GRM5: variants seen among roughly 807,000 people sequenced by gnomAD.
GRM5 encodes metabotropic glutamate receptor 5.
Under a neutral mutation model 83.1 loss-of-function variants are expected in GRM5, and 19 were observed. The ratio of observed to expected loss-of-function variants is 0.23; its 90% CI spans 0.16 to 0.34. GRM5 has a LOEUF of 0.34. Among genes scored for constraint, GRM5 ranks in the 10% least tolerant of loss-of-function variants. GRM5 has a pLI of 1.00. For missense variants in GRM5, 1,160 were observed against 1,588.3 expected (o/e 0.73, Z 4.58); for synonymous variants, 675 against 633.6 (o/e 1.07, Z -0.98).
rs536148251 is a variant in GRM5, at chr11:88,548,803, T to C, written c.2630+18250A>G. ...TTGGAAAATGAACTACTATTGAGTGTTGATTCACATTAAGGGAGGAGCTAA... is the reference window on the plus strand; with the variant it reads ...TTGGAAAATGAACTACTATTGAGTGCTGATTCACATTAAGGGAGGAGCTAA... On this transcript the variant is annotated intron_variant, in intron 8 of 9. Coordinates refer to ENST00000305447, the MANE Select transcript of GRM5 (RefSeq NM_001143831.3). Among the ~76,000 whole-genome samples the C allele has an allele frequency of 2.0e-5, 3 of 152,292 alleles. No homozygotes were observed. The East Asian group carries it at 5.8e-4, about 29-fold the overall frequency.
chr11:88,876,850 T>C (rs893775365), intron 2 of GRM5, among the ~76,000 whole-genome samples: 3 of 151,996 alleles, frequency 2.0e-5, no homozygotes, highest in African/African-American at 7.3e-5. Flanking sequence ...ATAAAAAATG[T>C]GGTATATAAA....
At chr11:88,542,304 T>C (rs1447390669) in intron 8 of GRM5, among the ~76,000 whole-genome samples, 5 of 152,226 alleles carry the variant, frequency 3.3e-5, no homozygotes, top group East Asian at 1.9e-4. Flanking sequence ...GAGGCTTGTA[T>C]TGTAGAACAC....
At chr11:88,692,223 T>A (rs530065478) in intron 3 of GRM5, among the ~76,000 whole-genome samples, 24 of 152,324 alleles carry the variant, frequency 1.6e-4, no homozygotes, top group African/African-American at 5.8e-4. Context: ...CTAGGTACTA[T>A]ACTAATTCAT....
chr11:88,881,226 A>T (rs1356726759), intron 2 of GRM5, among the ~76,000 whole-genome samples: 1 of 151,994 alleles, frequency 6.6e-6, no homozygotes, highest in Non-Finnish European at 1.5e-5. Context: ...TAAAAACTTT[A>T]ATTTTTAATG....
chr11:88,929,296 G>A (rs1004753397), intron 2 of GRM5, among the ~76,000 whole-genome samples: 1 of 151,858 alleles, frequency 6.6e-6, no homozygotes, highest in Non-Finnish European at 1.5e-5. Context: ...ATATTAATAA[G>A]CCCAATAATA....
At chr11:88,609,103 C>T (rs1938246601) in intron 4 of GRM5, among the ~76,000 whole-genome samples, 1 of 152,120 alleles carries the variant, frequency 6.6e-6, no homozygotes, top group Non-Finnish European at 1.5e-5. Flanking sequence ...AAGATAGTGA[C>T]CATAGTTCCT....
chr11:88,909,791 A>G (rs656544), intron 2 of GRM5, among the ~76,000 whole-genome samples: 145,588 of 152,058 alleles, frequency 0.96, 69,784 homozygotes, highest in East Asian at 0.99. Flanking sequence ...TCTAATATTA[A>G]TGCCCAAAGC....
At position 88,739,631 on chromosome 11, in the gene GRM5, C is replaced by T. The variant is rs186115871; in HGVS notation, c.912-86228G>A. ...TTGTCCCATGTTGTTCTCGTGATCA[C>T]GAGTGAATTCTCACGAGACTGGATG... is the stretch of plus-strand genomic sequence containing the variant. On this transcript the variant is annotated intron_variant, in intron 3 of 9. Transcript: ENST00000305447. Among the ~76,000 whole-genome samples, 420 of 152,052 alleles carry T rather than the reference C, an allele frequency of 2.8e-3. 1 individual carries two copies. Among genetic ancestry groups the T allele is most frequent in the African/African-American group, 9.6e-3 (399 of 41,534 alleles).
chr11:89,052,015 C>A (rs1941771569), intron 1 of GRM5, among the ~76,000 whole-genome samples: 1 of 152,168 alleles, frequency 6.6e-6, no homozygotes, highest in South Asian at 2.1e-4. Context: ...GAATCAGGGT[C>A]TACTCCTAGC....
chr11:88,671,187 G>A (rs1940184021), intron 3 of GRM5, among the ~76,000 whole-genome samples: 2 of 151,658 alleles, frequency 1.3e-5, no homozygotes, highest in Admixed American at 1.3e-4. Flanking sequence ...GCAGAGACAT[G>A]CTAGACCCTA....
At chr11:88,565,872 C>T (rs1399789228) in intron 8 of GRM5, among the ~76,000 whole-genome samples, 2 of 152,134 alleles carry the variant, frequency 1.3e-5, no homozygotes, top group African/African-American at 4.8e-5. Context: ...ACGAATTGGA[C>T]CTTGTGGATA....
At chr11:89,036,509 T>C (rs909344695) in intron 2 of GRM5, among the ~76,000 whole-genome samples, 2 of 152,120 alleles carry the variant, frequency 1.3e-5, no homozygotes, top group African/African-American at 2.4e-5. Context: ...ACTTACTGAA[T>C]GTTTTCTGTG....
At chr11:88,568,618 CGT>C (rs1942920681) in intron 7 of GRM5, among the ~76,000 whole-genome samples, 1 of 151,848 alleles carries the variant, frequency 6.6e-6, no homozygotes, top group Non-Finnish European at 1.5e-5. Context: ...TTTGTGTGTG[CGT>C]GTGTGTTTTA....
chr11:88,922,987 A>G (rs1945719336), intron 2 of GRM5, among the ~76,000 whole-genome samples: 2 of 152,192 alleles, frequency 1.3e-5, no homozygotes, highest in East Asian at 3.9e-4. Flanking sequence ...TCTCAATATC[A>G]TTGATCATCA....
At chr11:88,920,960 T>C (rs1237439202) in intron 2 of GRM5, among the ~76,000 whole-genome samples, 2 of 152,168 alleles carry the variant, frequency 1.3e-5, no homozygotes, top group Non-Finnish European at 2.9e-5. Context: ...GTGCAGGTTA[T>C]AATGGCTTTC....
intron 2 of GRM5, among the ~76,000 whole-genome samples, chr11:88,994,093 C>A (rs1185323061): frequency 1.8e-4 from 27 of 150,320 alleles, no homozygotes; most frequent in South Asian, 6.3e-4. Flanking sequence ...CCATCCCCCC[C>A]AAAAAAAATA....
intron 2 of GRM5, among the ~76,000 whole-genome samples, chr11:88,890,070 T>C (rs1261867762): frequency 6.6e-6 from 1 of 151,834 alleles, no homozygotes; most frequent in Non-Finnish European, 1.5e-5. Context: ...ATAGTAGTTA[T>C]AAATCAGAGA....
In GRM5 at chr11:88,849,995, C is replaced by T; in HGVS notation, c.822G>A (p.Val274=). 6.2e-7 allele frequency: 1 copy of T among 1,613,982 alleles called. No homozygotes were observed. The highest frequency in any genetic ancestry group is 8.5e-7 in the Non-Finnish European group (1 of 1,179,868). Residue 274 remains valine, a synonymous_variant, in exon 3 of 10, where the codon GTG becomes GTA. Transcript: ENST00000305447. ...CCGTCATGCCCTCACAGAAGCAGGCCACCACCCGGGCCTTGGGCAAGTGAC... is the reference window on the plus strand; with the variant it reads ...CCGTCATGCCCTCACAGAAGCAGGCTACCACCCGGGCCTTGGGCAAGTGAC... The part of the protein sequence containing the change: ...LTSHLPKARV[V]ACFCEGMTVR...
intron 2 of GRM5, among the ~76,000 whole-genome samples, chr11:88,956,586 C>A (rs1226609562): frequency 6.6e-6 from 1 of 151,532 alleles, no homozygotes; most frequent in Non-Finnish European, 1.5e-5. Flanking sequence ...GCGGGCAGAT[C>A]ACGAGGTCAG....
Sources: allele counts gnomAD v4.1 joint callset (sites outside exome capture counted in the v4.1 genomes callset), GRCh38; gene constraint gnomAD v4.1.1; transcripts MANE v1.5; gene names NCBI Gene and HGNC (gene_info 2026-07-23, HGNC 2026-07-21).